Variants in RAF1 observed in about 807,000 individuals in gnomAD.
RAF1 encodes RAF proto-oncogene serine/threonine-protein kinase.
In RAF1, 27 loss-of-function variants were observed where a neutral mutation model predicts 81.1. The ratio of observed to expected loss-of-function variants is 0.33; its 90% CI spans 0.25 to 0.46. The LOEUF (loss-of-function observed/expected upper bound fraction) is 0.46. Among genes scored for constraint, RAF1 ranks in the 20% least tolerant of loss-of-function variants. RAF1 has a pLI of 1.00. For synonymous variants in RAF1, 298 were observed against 294.0 expected, an observed-to-expected ratio of 1.01 and a Z score of -0.14; for missense variants, 598 against 826.0, an observed-to-expected ratio of 0.72 and a Z score of 3.38.
In RAF1 at chr3:12,587,837, C is replaced by CTTTTTTTTTTTTTT. The variant is rs374515740; in HGVS notation, c.1431-214_1431-201dup. Reference sequence around the variant, plus strand: ...GGCCACAGCACAAACATGCTTACACCTTTTTTTTTTTTTTTTTGGAGACTG... The same window carrying CTTTTTTTTTTTTTT: ...GGCCACAGCACAAACATGCTTACACCTTTTTTTTTTTTTTTTTTTTTTTTTTTTTTTGGAGACTG... On this transcript the variant is annotated intron_variant, in intron 13 of 17. Coordinates refer to ENST00000442415, the MANE Select transcript of RAF1 (RefSeq NM_001354689.3). 601 of 194,654 alleles carry CTTTTTTTTTTTTTT rather than the reference C, an allele frequency of 3.1e-3. 61 individuals carry two copies. The highest frequency in any genetic ancestry group is 5.8e-3 in the Admixed American group (82 of 14,054). 12.1% of individuals were successfully genotyped at this position (194,654 alleles called of 1,614,324 possible). A position where few individuals can be genotyped will look rare whatever the true frequency, so the allele number is the denominator to read the frequency against.
chr3:12,627,385 T>C (rs1327750135), intron 1 of RAF1, among the ~76,000 whole-genome samples: 1 of 152,038 alleles, frequency 6.6e-6, no homozygotes, highest in East Asian at 1.9e-4. Flanking sequence ...TCAAAAGGCC[T>C]AGATTCTACT....
intron 7 of RAF1, 42 bp downstream of exon 7, chr3:12,604,094 C>T (rs750639033): frequency 1.2e-6 from 2 of 1,610,044 alleles, no homozygotes; most frequent in African/African-American, 1.3e-5. Context: ...AACCTCACCC[C>T]ATTAATTGAC....
intron 1 of RAF1, among the ~76,000 whole-genome samples, chr3:12,637,397 C>T (rs755320626): frequency 3.3e-5 from 5 of 151,576 alleles, no homozygotes; most frequent in Non-Finnish European, 7.4e-5. Context: ...TCCCCAGTAG[C>T]GGGGACTACA....
rs550167541 is a variant in RAF1, at chr3:12,590,440, C to T, written c.1430+358G>A. 4.6e-3 allele frequency: 1,196 copies of T among 260,366 alleles called. 7 individuals are homozygous for T. The highest frequency in any genetic ancestry group is 0.024 in the African/African-American group (1,099 of 45,376). 16.1% of individuals were successfully genotyped at this position (260,366 alleles called of 1,614,324 possible). A position where few individuals can be genotyped will look rare whatever the true frequency, so the allele number is the denominator to read the frequency against. ...CCAATGTTCAAGCGATTCTCCCTGT[C>T]CCAGTTCTTGAGTAGCTGGGATTAT... On this transcript the variant is annotated intron_variant, in intron 13 of 17. Coordinates refer to ENST00000442415, the MANE Select transcript of RAF1 (RefSeq NM_001354689.3).
intron 6 of RAF1, among the ~76,000 whole-genome samples, chr3:12,605,256 G>A (rs931125963): frequency 4.0e-5 from 6 of 150,768 alleles, no homozygotes; most frequent in African/African-American, 9.8e-5. Context: ...CATTATGTGT[G>A]TGTGTGTGTG....
chr3:12,660,218 A>C (rs1483238191), intron 1 of RAF1, among the ~76,000 whole-genome samples: 2 of 152,106 alleles, frequency 1.3e-5, no homozygotes, highest in Non-Finnish European at 2.9e-5. Context: ...TTTGTCAGAA[A>C]TTACCAGCTT....
intron 8 of RAF1, among the ~76,000 whole-genome samples, chr3:12,601,521 C>G (rs2058861472): frequency 6.6e-6 from 1 of 152,140 alleles, no homozygotes; most frequent in South Asian, 2.1e-4. Flanking sequence ...TATAAAACCA[C>G]TTGGCCCCCA....
chr3:12,635,357 C>T (rs961701682), intron 1 of RAF1, among the ~76,000 whole-genome samples: 3 of 132,052 alleles, frequency 2.3e-5, no homozygotes, highest in African/African-American at 8.5e-5. Flanking sequence ...AAAAAAAAGG[C>T]CAGGGGCCAT....
intron 11 of RAF1, among the ~76,000 whole-genome samples, chr3:12,592,232 T>C (rs145518880): frequency 6.6e-6 from 1 of 152,294 alleles, no homozygotes; most frequent in African/African-American, 2.4e-5. Context: ...AATCAGTGCA[T>C]ACATATGAAT....
intron 16 of RAF1, 51 bp from the exon 16 acceptor site, chr3:12,585,032 A>T (rs1559399314): frequency 1.9e-6 from 3 of 1,614,074 alleles, no homozygotes. Flanking sequence ...AACAACAGAT[A>T]ATAACAAGTC....
Position 12,585,228 on chromosome 3 carries a change from T to C in RAF1, c.1622A>G (p.Asp541Gly), listed in dbSNP as rs1046012842. ...CGACTGGAAACTGAATGGGTTGTTA[T>C]CCTGCATTCGGATCACCTCTGGGGC... The change falls in exon 16 of 18, where the codon GAT becomes GGT. Residue 541 changes from aspartate to glycine, a missense_variant. Coordinates refer to ENST00000442415, the MANE Select transcript of RAF1 (RefSeq NM_001354689.3). 9 of 1,614,008 alleles carry C rather than the reference T, an allele frequency of 5.6e-6. No homozygotes were observed. The highest frequency in any genetic ancestry group is 7.6e-6 in the Non-Finnish European group (9 of 1,180,036).
intron 1 of RAF1, among the ~76,000 whole-genome samples, chr3:12,641,552 C>T (rs1393296694): frequency 1.3e-5 from 2 of 149,318 alleles, no homozygotes; most frequent in African/African-American, 2.5e-5. Context: ...AGTGTAGTGC[C>T]GCGATCTCAG....
At chr3:12,610,393 A>G (rs1390030984) in intron 3 of RAF1, among the ~76,000 whole-genome samples, 2 of 152,204 alleles carry the variant, frequency 1.3e-5, no homozygotes, top group African/African-American at 4.8e-5. Context: ...GAAGGAGGAC[A>G]AGCCTTATTT....
rs771675427 is a variant in RAF1, at chr3:12,604,151, G to C, written c.819C>G (p.Asp273Glu). The C allele has an allele frequency of 2.5e-6, 4 of 1,614,016 alleles. No homozygotes were observed. In the African/African-American group the frequency reaches 4.0e-5, roughly 16 times the overall value. Residue 273 changes from aspartate to glutamate, a missense_variant, in exon 7 of 18, where the codon GAC (aspartate) becomes GAG (glutamate). By Grantham distance (45) the Asp-to-Glu change is conservative. Around this residue, in one of 5 missense-constraint regions of RAF1, gnomAD observed 194 missense variants for 202.7 expected, o/e 0.96. Transcript: ENST00000442415. ...GCCCTATTACCTCAATCATCCTGCT[G>C]TCCACAGGCAGGGTGGTGCTGACCA... is the stretch of plus-strand genomic sequence containing the variant.
chr3:12,661,373 G>A (rs529756910), intron 1 of RAF1, among the ~76,000 whole-genome samples: 41 of 152,020 alleles, frequency 2.7e-4, no homozygotes, highest in Admixed American at 7.9e-4. Context: ...TTCTATAGTC[G>A]TCCAATTTCT....
intron 1 of RAF1, among the ~76,000 whole-genome samples, chr3:12,631,677 G>A (rs1447024805): frequency 1.3e-5 from 2 of 152,150 alleles, no homozygotes; most frequent in Non-Finnish European, 2.9e-5. Flanking sequence ...CAGAGTAAAC[G>A]ATACTGTTAT....
At chr3:12,660,118 A>G (rs913715680) in intron 1 of RAF1, among the ~76,000 whole-genome samples, 2 of 151,962 alleles carry the variant, frequency 1.3e-5, no homozygotes, top group African/African-American at 2.4e-5. Flanking sequence ...CAAACAAATG[A>G]CATGTTATAA....
At chr3:12,662,506 C>A (rs2060911634) in intron 1 of RAF1, among the ~76,000 whole-genome samples, 1 of 151,922 alleles carries the variant, frequency 6.6e-6, no homozygotes, top group Non-Finnish European at 1.5e-5. Flanking sequence ...ACTCGGCAAC[C>A]CATGTACAAT....
rs912802840 is a variant in RAF1 at position 12,663,978 on chromosome 3, C to A, written c.-192G>T. The A allele has an allele frequency of 1.3e-5, 5 of 398,420 alleles. No individual in the cohort carries two copies. The highest frequency in any genetic ancestry group is 1.0e-4 in the African/African-American group (5 of 48,634). 24.7% of individuals were successfully genotyped at this position (398,420 alleles called of 1,614,324 possible). A position where few individuals can be genotyped will look rare whatever the true frequency, so the allele number is the denominator to read the frequency against. On this transcript the variant is annotated 5_prime_UTR_variant, in exon 1 of 18. Transcript: ENST00000442415. ...CCCGCATCGTAGCAAACGCGCTCCG[C>A]GCCTCAGGGCACGCGCCCCAAAGCC... is the stretch of plus-strand genomic sequence containing the variant.
Sources: allele counts gnomAD v4.1 joint callset (sites outside exome capture counted in the v4.1 genomes callset), GRCh38; gene constraint gnomAD v4.1.1; regional missense constraint gnomAD v4.1.1; transcripts MANE v1.5; gene names NCBI Gene and HGNC (gene_info 2026-07-23, HGNC 2026-07-21).